Variants in CSMD1 observed in about 807,000 individuals in gnomAD.
The protein encoded by CSMD1 is CUB and Sushi multiple domains 1.
A neutral mutation model predicts 417.5 loss-of-function variants in CSMD1; 213 were observed. The observed-to-expected ratio is 0.51, with a 90% CI of 0.46 to 0.57. The LOEUF (loss-of-function observed/expected upper bound fraction) is 0.57, where lower values mean the gene tolerates loss of function less well. Among genes scored for constraint, CSMD1 ranks in the 20% least tolerant of loss-of-function variants. The probability of loss-of-function intolerance (pLI) is 0.00; values close to 1 mark genes in which losing one functional copy is unlikely to be tolerated. For missense variants in CSMD1, 6,923 were observed against 4,529.7 expected, an observed-to-expected ratio of 1.53 and a Z score of -15.17; for synonymous variants, 2,862 against 1,736.8, an observed-to-expected ratio of 1.65 and a Z score of -16.11.
At chr8:4,309,566 C>G (rs1045183235) in intron 3 of CSMD1, among the ~76,000 whole-genome samples, 6 of 152,094 alleles carry the variant, frequency 3.9e-5, no homozygotes, top group African/African-American at 1.4e-4. Context: ...ATCAAGCAGC[C>G]AAACTCTCAG....
chr8:3,894,767 G>T (rs1164354778), intron 5 of CSMD1, among the ~76,000 whole-genome samples: 1 of 152,148 alleles, frequency 6.6e-6, no homozygotes, highest in African/African-American at 2.4e-5. Flanking sequence ...GCTTCCACAT[G>T]TCAATTAGAA....
intron 10 of CSMD1, among the ~76,000 whole-genome samples, chr8:3,572,230 G>A (rs1799974607): frequency 6.6e-6 from 1 of 152,152 alleles, no homozygotes; most frequent in Admixed American, 6.5e-5. Flanking sequence ...TCCAAGTGGG[G>A]CTGTGTCAAA....
chr8:3,531,846 CG>C (rs1797994729), intron 10 of CSMD1, among the ~76,000 whole-genome samples: 1 of 152,152 alleles, frequency 6.6e-6, no homozygotes, highest in East Asian at 1.9e-4. Flanking sequence ...GAAACGGCTA[CG>C]TGGGGCCAGG....
rs149711455 is a variant in CSMD1 at position 4,653,429 on chromosome 8, A to G, written c.86-15871T>C. On this transcript the variant is annotated intron_variant, in intron 1 of 69. Coordinates refer to ENST00000635120, the MANE Select transcript of CSMD1 (RefSeq NM_033225.6). ...TGGTAATTGTTTAATTCACAAGAGT[A>G]CCTTGTCTGTCATGTTATTTTCCTT... Among the ~76,000 whole-genome samples the G allele has an allele frequency of 1.4e-3, 206 of 152,252 alleles. 3 individuals are homozygous for G. Among genetic ancestry groups the G allele is most frequent in the African/African-American group, 4.8e-3 (198 of 41,494 alleles).
chr8:3,861,327 T>A (rs929522547), intron 5 of CSMD1, among the ~76,000 whole-genome samples: 1 of 152,208 alleles, frequency 6.6e-6, no homozygotes, highest in Non-Finnish European at 1.5e-5. Flanking sequence ...TTGGCTGGCA[T>A]AACTGCCGGG....
chr8:4,400,454 T>G (rs1483308572), intron 3 of CSMD1, among the ~76,000 whole-genome samples: 1 of 152,228 alleles, frequency 6.6e-6, no homozygotes, highest in Non-Finnish European at 1.5e-5. Flanking sequence ...ACATCGAGAT[T>G]CATTCATTTG....
At chr8:3,191,450 A>C (rs1796418178) in intron 33 of CSMD1, among the ~76,000 whole-genome samples, 1 of 152,118 alleles carries the variant, frequency 6.6e-6, no homozygotes, top group South Asian at 2.1e-4. Flanking sequence ...ATTGAGAAAA[A>C]AATAAATAAA....
intron 7 of CSMD1, among the ~76,000 whole-genome samples, chr8:3,663,728 G>C (rs1470581374): frequency 2.0e-5 from 3 of 151,972 alleles, no homozygotes; most frequent in African/African-American, 7.3e-5. Flanking sequence ...CCTTTGCTTT[G>C]AGTTGTCCTG....
intron 5 of CSMD1, among the ~76,000 whole-genome samples, chr8:3,837,139 T>C (rs1271367733): frequency 7.3e-6 from 1 of 136,320 alleles, no homozygotes; most frequent in Non-Finnish European, 1.6e-5. Context: ...ATTGAAAGTG[T>C]AGTCACTAAA....
intron 1 of CSMD1, among the ~76,000 whole-genome samples, chr8:4,954,389 C>G (rs139154143): frequency 7.4e-4 from 113 of 152,184 alleles, no homozygotes; most frequent in African/African-American, 2.6e-3. Flanking sequence ...TGATTGTTTT[C>G]TGATTGAAGC....
chr8:4,433,570 C>T (rs1001610634), intron 2 of CSMD1, among the ~76,000 whole-genome samples: 10 of 152,126 alleles, frequency 6.6e-5, no homozygotes, highest in Non-Finnish European at 1.5e-4. Flanking sequence ...TGTGCTGCAA[C>T]AGAGAGATGA....
At chr8:3,687,378 G>A (rs967967186) in intron 7 of CSMD1, among the ~76,000 whole-genome samples, 7 of 152,196 alleles carry the variant, frequency 4.6e-5, no homozygotes, top group African/African-American at 1.7e-4. Context: ...TCCATGGTGA[G>A]CAGGGATATG....
intron 37 of CSMD1, among the ~76,000 whole-genome samples, chr8:3,162,576 T>C (rs1819965999): frequency 6.6e-6 from 1 of 152,180 alleles, no homozygotes. Context: ...TATATACATA[T>C]TGTAAAAAGT....
At chr8:3,741,873 G>T (rs77721503) in intron 6 of CSMD1, among the ~76,000 whole-genome samples, 1 of 152,052 alleles carries the variant, frequency 6.6e-6, no homozygotes, top group Non-Finnish European at 1.5e-5. Context: ...CAAAGGTAAA[G>T]GTTCCAATTC....
At chr8:4,075,681 T>C (rs554388159) in intron 3 of CSMD1, among the ~76,000 whole-genome samples, 5 of 152,182 alleles carry the variant, frequency 3.3e-5, no homozygotes, top group Admixed American at 6.6e-5. Context: ...TTTGGAGCAC[T>C]GGATTCATTT....
At chr8:3,278,547 T>C (rs924133602) in intron 26 of CSMD1, 7 of 152,224 alleles carry the variant, frequency 4.6e-5, no homozygotes, top group Admixed American at 3.9e-4. Context: ...TCTTTTTGAG[T>C]TCTATTTAAA....
At chr8:3,942,788 G>C (rs1331569240) in intron 5 of CSMD1, among the ~76,000 whole-genome samples, 2 of 152,048 alleles carry the variant, frequency 1.3e-5, no homozygotes, top group Non-Finnish European at 2.9e-5. Context: ...ACAGTTACTG[G>C]GATAAGAAAA....
intron 10 of CSMD1, among the ~76,000 whole-genome samples, chr8:3,538,260 G>C (rs1481702248): frequency 2.0e-5 from 3 of 152,160 alleles, no homozygotes; most frequent in Admixed American, 6.5e-5. Flanking sequence ...CCTCACCTGA[G>C]ATGCTTCACC....
intron 3 of CSMD1, among the ~76,000 whole-genome samples, chr8:4,154,105 A>G (rs542849623): frequency 2.0e-5 from 3 of 152,336 alleles, no homozygotes; most frequent in East Asian, 1.9e-4. Flanking sequence ...GCAAAGAGTC[A>G]GGAGTCTGGC....
Sources: allele counts gnomAD v4.1 joint callset (sites outside exome capture counted in the v4.1 genomes callset), GRCh38; gene constraint gnomAD v4.1.1; transcripts MANE v1.5; gene names NCBI Gene and HGNC (gene_info 2026-07-23, HGNC 2026-07-21).